The following ABCA1 variants were observed in gnomAD, a reference collection of about 807,000 sequenced individuals.
ABCA1 encodes the protein ATP binding cassette subfamily A member 1.
Under a neutral mutation model 262.5 loss-of-function variants are expected in ABCA1, and 133 were observed. The ratio of observed to expected loss-of-function variants is 0.51; its 90% CI spans 0.44 to 0.59. The LOEUF (loss-of-function observed/expected upper bound fraction) is 0.59, where lower values mean the gene tolerates loss of function less well. Ranked by LOEUF, ABCA1 falls within the 20% of genes least tolerant of loss-of-function variation. The pLI is 0.00. For missense variants in ABCA1, 2,452 were observed against 2,777.5 expected, an observed-to-expected ratio of 0.88 and a Z score of 2.63; for synonymous variants, 1,022 against 1,043.5, an observed-to-expected ratio of 0.98 and a Z score of 0.40.
chr9:104,922,394 T>G (rs116671436), intron 1 of ABCA1, among the ~76,000 whole-genome samples: 275 of 152,320 alleles, frequency 1.8e-3, no homozygotes, highest in African/African-American at 6.3e-3. Context: ...TGACAAAGTC[T>G]TTACCATGAG....
intron 41 of ABCA1, 80 bp downstream of exon 41, chr9:104,793,091 C>T: frequency 4.4e-6 from 7 of 1,598,594 alleles, no homozygotes; most frequent in Non-Finnish European, 6.0e-6. Flanking sequence ...TCAATGCAAC[C>T]CCCATTGGTG....
Position 104,806,225 on chromosome 9 carries a change from C to T in ABCA1, c.4464+16G>A, listed in dbSNP as rs1295795829. ...CTGCACCCCTTCTGCCCAATCACCC[C>T]CTGAAAGTGACTCACTTGTGGAGGA... On this transcript the variant is annotated intron_variant, in intron 31 of 49. Transcript: ENST00000374736. 1.9e-6 allele frequency: 3 copies of T among 1,612,050 alleles called. No homozygotes were observed. The highest frequency in any genetic ancestry group is 2.7e-5 in the African/African-American group (2 of 74,888).
Position 104,830,962 on chromosome 9 carries a change from T to C in ABCA1, c.1855A>G (p.Met619Val), listed in dbSNP as rs1355958163. 29 of 1,613,722 alleles carry C rather than the reference T, an allele frequency of 1.8e-5. No individual in the cohort carries two copies. Among genetic ancestry groups the C allele is most frequent in the Non-Finnish European group, 2.3e-5 (27 of 1,179,954 alleles). Reference sequence around the variant, plus strand: ...TAACAGGGATAGGGCATCTGTTGCATATAGACACCAGTTTTCTTCTCGGTG... The same window carrying C: ...TAACAGGGATAGGGCATCTGTTGCACATAGACACCAGTTTTCTTCTCGGTG... ...TGTEKKTGVY[M>V]QQMPYPCYVD... is the part of the protein sequence containing the mutation. The change falls in exon 14 of 50, where the codon ATG (methionine) becomes GTG (valine). Residue 619 changes from methionine (M) to valine (V), a missense_variant. This residue lies in a region of ABCA1 where 1,032 missense variants were observed against 1,089.7 expected (regional missense o/e 0.95). Coordinates refer to ENST00000374736, the MANE Select transcript of ABCA1 (RefSeq NM_005502.4).
chr9:104,809,283 C>G (rs770478829), intron 30 of ABCA1, among the ~76,000 whole-genome samples, 183 bp downstream of exon 30: 2 of 152,246 alleles, frequency 1.3e-5, no homozygotes, highest in Non-Finnish European at 2.9e-5. Context: ...ACTCTCCAAA[C>G]GTTTGTTCCT....
At chr9:104,799,117 A>C (rs967926634) in intron 36 of ABCA1, among the ~76,000 whole-genome samples, 9 of 152,214 alleles carry the variant, frequency 5.9e-5, no homozygotes, top group African/African-American at 1.9e-4. Context: ...TGGTCTCATA[A>C]GCCCATTACA....
At chr9:104,905,323 C>CAAT (rs1841036967) in intron 1 of ABCA1, among the ~76,000 whole-genome samples, 1 of 152,220 alleles carries the variant, frequency 6.6e-6, no homozygotes, top group South Asian at 2.1e-4. Flanking sequence ...TCTAGTAGAA[C>CAAT]AATACCCTTT....
At chr9:104,807,845 TACACACACAC>T (rs60348262) in intron 30 of ABCA1, among the ~76,000 whole-genome samples, 3 of 48,370 alleles carry the variant, frequency 6.2e-5, no homozygotes, top group Non-Finnish European at 1.2e-4. Flanking sequence ...TATATATATA[TACACACACAC>T]ACACACACAC....
chr9:104,851,346 A>G (rs575912404), intron 7 of ABCA1, among the ~76,000 whole-genome samples: 1 of 152,254 alleles, frequency 6.6e-6, no homozygotes, highest in African/African-American at 2.4e-5. Context: ...TCGTGAAGAA[A>G]GACCTGCCTC....
chr9:104,862,612 A>G (rs1836521468), intron 5 of ABCA1, among the ~76,000 whole-genome samples: 1 of 140,722 alleles, frequency 7.1e-6, no homozygotes, highest in South Asian at 2.4e-4. Flanking sequence ...TCACCTGGAG[A>G]GCTTGTTAAA....
chr9:104,836,744 C>T (rs911906187), intron 11 of ABCA1, among the ~76,000 whole-genome samples: 17 of 152,166 alleles, frequency 1.1e-4, no homozygotes, highest in African/African-American at 2.9e-4. Context: ...CTAAGTTTTG[C>T]AGAAAACTGC....
At position 104,905,451 on chromosome 9, in the gene ABCA1, T is replaced by C. The variant is rs1841051069; in HGVS notation, c.-92-1680A>G. Among the ~76,000 whole-genome samples, 4 of 152,226 alleles carry C rather than the reference T, an allele frequency of 2.6e-5. No individual in the cohort carries two copies. In the South Asian group the frequency reaches 8.3e-4, roughly 31 times the overall value. On this transcript the variant is annotated intron_variant, in intron 1 of 49. Transcript: ENST00000374736. ...CCACTATGTATTCCAATTCATTCAT[T>C]GACAGTCCAATAAATCAAGAAATTC...
Position 104,781,015 on chromosome 9 carries a change from A to G in ABCA1, c.*3300T>C, listed in dbSNP as rs1828514395. The stretch of plus-strand genomic sequence containing the variant: ...CACAAAAGTAAATTTCTGTAGACCA[A>G]CAGAACTGTCACAGCTTTATTTTGT... On this transcript the variant is annotated 3_prime_UTR_variant, in exon 50 of 50. Transcript: ENST00000374736. The G allele has an allele frequency of 6.6e-6, 1 of 152,630 alleles. No individual in the cohort carries two copies. Among genetic ancestry groups the G allele is most frequent in the African/African-American group, 2.4e-5 (1 of 41,450 alleles). The allele number at this position is 152,630 out of a possible 1,614,324, so 9.5% of individuals were successfully genotyped here. A position where few individuals can be genotyped will look rare whatever the true frequency, so the allele number is the denominator to read the frequency against.
At chr9:104,892,022 T>G (rs1180863141) in intron 2 of ABCA1, among the ~76,000 whole-genome samples, 1 of 151,382 alleles carries the variant, frequency 6.6e-6, no homozygotes, top group Non-Finnish European at 1.5e-5. Flanking sequence ...CTTTCCTGTC[T>G]TTTCTAAATT....
In ABCA1 at chr9:104,787,928, C is replaced by A; in HGVS notation, c.6196G>T (p.Val2066Leu). The A allele has an allele frequency of 6.2e-7, 1 of 1,614,066 alleles. No individual in the cohort carries two copies. Among genetic ancestry groups the A allele is most frequent in the Non-Finnish European group, 8.5e-7 (1 of 1,179,956 alleles). The change falls in exon 46 of 50, where the codon GTG becomes TTG. Residue 2066 changes from valine (V) to leucine (L), a missense_variant. Coordinates refer to ENST00000374736, the MANE Select transcript of ABCA1 (RefSeq NM_005502.4). ...AMALIGGPPV[V>L]FLDEPTTGMD... ...TCCACAGTTATACTCACCAGAAACACCACAGGAGGCCCGCCGATCAAAGCC... is the reference window on the plus strand; with the variant it reads ...TCCACAGTTATACTCACCAGAAACAACACAGGAGGCCCGCCGATCAAAGCC...
At chr9:104,892,322 T>C (rs577125240) in intron 2 of ABCA1, among the ~76,000 whole-genome samples, 1 of 151,696 alleles carries the variant, frequency 6.6e-6, no homozygotes, top group South Asian at 2.1e-4. Context: ...TTTTATTCTG[T>C]AGCTTATTTT....
At chr9:104,916,701 A>C (rs993711206) in intron 1 of ABCA1, among the ~76,000 whole-genome samples, 4 of 152,144 alleles carry the variant, frequency 2.6e-5, no homozygotes, top group African/African-American at 7.2e-5. Flanking sequence ...GTTTCTTGAC[A>C]CAGAGTTTCG....
chr9:104,871,400 C>T (rs538503826), intron 5 of ABCA1, among the ~76,000 whole-genome samples: 10 of 152,268 alleles, frequency 6.6e-5, no homozygotes, highest in Admixed American at 6.5e-4. Context: ...GGAGAAGTTA[C>T]TGGAAGTCCC....
chr9:104,822,421 C>T, intron 19 of ABCA1, 75 bp downstream of exon 19: 2 of 1,586,976 alleles, frequency 1.3e-6, no homozygotes, highest in Non-Finnish European at 1.7e-6. Context: ...GCATGGTTTC[C>T]TAAGGTATAA....
chr9:104,790,374 G>A (rs950647619), intron 44 of ABCA1, among the ~76,000 whole-genome samples: 1 of 152,012 alleles, frequency 6.6e-6, no homozygotes, highest in African/African-American at 2.4e-5. Context: ...ACATTTATAA[G>A]GAATTTATTA....
Sources: gnomAD v4.1 joint callset for allele counts (sites outside exome capture counted in the v4.1 genomes callset) on GRCh38, gnomAD v4.1.1 for gene constraint, gnomAD v4.1.1 regional missense constraint, MANE v1.5 for transcripts, NCBI Gene and HGNC (gene_info 2026-07-23, HGNC 2026-07-21) for gene names.